Variants in CDH12 observed in about 807,000 individuals in gnomAD.
CDH12 encodes cadherin 12, also known as cadherin-12.
Under a neutral mutation model 74.1 loss-of-function variants are expected in CDH12, and 41 were observed. The ratio of observed to expected loss-of-function variants is 0.55; its 90% CI spans 0.43 to 0.72. CDH12 has a LOEUF of 0.72. CDH12 is among the 30% of genes least tolerant of loss of function. CDH12 has a pLI of 0.00. For synonymous variants in CDH12, 399 were observed against 355.0 expected (o/e 1.12, Z -1.39); for missense variants, 945 against 977.2 (o/e 0.97, Z 0.44).
At chr5:22,305,582 C>G (rs999602874) in intron 3 of CDH12, among the ~76,000 whole-genome samples, 1 of 152,098 alleles carries the variant, frequency 6.6e-6, no homozygotes, top group African/African-American at 2.4e-5. Context: ...GCCATTGTAT[C>G]TCCTCTATGA....
intron 3 of CDH12, among the ~76,000 whole-genome samples, chr5:22,360,158 G>A (rs1740737546): frequency 6.6e-6 from 1 of 151,944 alleles, no homozygotes; most frequent in African/African-American, 2.4e-5. Context: ...TTTTTGAAAG[G>A]ATCAACAAAA....
rs79231610 is a variant in CDH12 at position 21,925,442 on chromosome 5, G to T, written c.526+49649C>A. On this transcript the variant is annotated intron_variant, in intron 6 of 14. Coordinates refer to ENST00000382254, the MANE Select transcript of CDH12 (RefSeq NM_004061.5). ...ACTTGTGTCTATCCTATTGACTCTT[G>T]TATTCAGGCTCTGAATACCTTTTCA... is the stretch of plus-strand genomic sequence containing the variant. Among the ~76,000 whole-genome samples the T allele has an allele frequency of 3.4e-3, 512 of 152,166 alleles. 12 individuals are homozygous for T. In the East Asian group the frequency reaches 0.047, roughly 14 times the overall value.
In CDH12 at chr5:21,751,785, T is replaced by C; in HGVS notation, c.2337A>G (p.Ala779=). ...TDWGPRFKVL[A]DMFGEEESYN... ...AACTCTCTTCTTCGCCAAACATGTC[T>C]GCCAAGACTTTAAAGCGGGGTCCCC... The change falls in exon 15 of 15, where the codon GCA becomes GCG. Residue 779 remains alanine, a synonymous_variant. Coordinates refer to ENST00000382254, the MANE Select transcript of CDH12 (RefSeq NM_004061.5). 6.2e-7 allele frequency: 1 copy of C among 1,614,114 alleles called. No individual in the cohort carries two copies. The highest frequency in any genetic ancestry group is 8.5e-7 in the Non-Finnish European group (1 of 1,179,992).
At chr5:22,492,900 G>A (rs965919261) in intron 2 of CDH12, among the ~76,000 whole-genome samples, 6 of 151,878 alleles carry the variant, frequency 4.0e-5, no homozygotes, top group East Asian at 2.0e-4. Context: ...ACCACCGATC[G>A]CACACAGAAG....
At chr5:22,470,450 T>A (rs986836157) in intron 2 of CDH12, among the ~76,000 whole-genome samples, 1 of 148,984 alleles carries the variant, frequency 6.7e-6, no homozygotes, top group African/African-American at 2.5e-5. Context: ...AGGGTCTCAC[T>A]GTTTGTTGCT....
chr5:21,975,010 A>T, intron 6 of CDH12, 81 bp downstream of exon 6: 1 of 812,446 alleles, frequency 1.2e-6, no homozygotes, highest in South Asian at 1.7e-5. Flanking sequence ...GATGATAGAT[A>T]AGATGTTTAC....
intron 10 of CDH12, among the ~76,000 whole-genome samples, chr5:21,787,524 G>T (rs531923332): frequency 8.5e-5 from 13 of 152,138 alleles, no homozygotes; most frequent in Non-Finnish European, 1.6e-4. Context: ...ATGTTTATAT[G>T]TACTGGCAAA....
intron 1 of CDH12, among the ~76,000 whole-genome samples, chr5:22,635,725 C>T (rs527284346): frequency 1.3e-5 from 2 of 152,056 alleles, no homozygotes; most frequent in Admixed American, 1.3e-4. Context: ...ACCGGCCTGA[C>T]CAACATGGTG....
At chr5:21,837,636 A>G (rs1749614485) in intron 8 of CDH12, among the ~76,000 whole-genome samples, 1 of 152,210 alleles carries the variant, frequency 6.6e-6, no homozygotes, top group South Asian at 2.1e-4. Context: ...TAATTGTGCC[A>G]CATGAGAAAT....
At chr5:22,734,337 C>A (rs573480827) in intron 1 of CDH12, among the ~76,000 whole-genome samples, 4 of 151,738 alleles carry the variant, frequency 2.6e-5, no homozygotes, top group African/African-American at 9.7e-5. Flanking sequence ...ATTTTTAGAG[C>A]AACAACATAA....
rs1744047804 is a variant in CDH12, at chr5:21,751,511, T to C, written c.*226A>G. The C allele has an allele frequency of 1.9e-6, 1 of 522,404 alleles. No individual in the cohort carries two copies. The highest frequency in any genetic ancestry group is 3.4e-6 in the Non-Finnish European group (1 of 292,750). The allele number at this position is 522,404 out of a possible 1,614,324, so 32.4% of individuals were successfully genotyped here. On this transcript the variant is annotated 3_prime_UTR_variant, in exon 15 of 15. Transcript: ENST00000382254. ...AACAAAACAAAGCAAGTACACATTATAGGATGTATCTCTTGTTGGCAGAAT... is the reference window on the plus strand; with the variant it reads ...AACAAAACAAAGCAAGTACACATTACAGGATGTATCTCTTGTTGGCAGAAT...
chr5:22,476,316 G>T (rs905961836), intron 2 of CDH12, among the ~76,000 whole-genome samples: 2 of 151,890 alleles, frequency 1.3e-5, no homozygotes, highest in Admixed American at 6.6e-5. Context: ...ATAAGTTAAG[G>T]AATTAAACCA....
intron 1 of CDH12, among the ~76,000 whole-genome samples, chr5:22,753,619 T>C (rs1745721262): frequency 6.7e-6 from 1 of 149,786 alleles, no homozygotes; most frequent in African/African-American, 2.5e-5. Flanking sequence ...GGAAGAAGTA[T>C]GGAAAGAATT....
rs190193319 is a variant in CDH12, at chr5:22,229,706, A to C, written c.-332-17063T>G. Among the ~76,000 whole-genome samples the C allele has an allele frequency of 4.1e-4, 62 of 152,218 alleles. 1 individual carries two copies. Among genetic ancestry groups the C allele is most frequent in the Admixed American group, 7.2e-4 (11 of 15,276 alleles). ...TTCTTTAGGAACTTTGATTTACCTCAAATTTCATGCCCACATCTCAAATGC... is the reference window on the plus strand; with the variant it reads ...TTCTTTAGGAACTTTGATTTACCTCCAATTTCATGCCCACATCTCAAATGC... On this transcript the variant is annotated intron_variant, in intron 3 of 14. Transcript: ENST00000382254.
At chr5:22,310,006 G>T (rs1358642414) in intron 3 of CDH12, among the ~76,000 whole-genome samples, 5 of 145,562 alleles carry the variant, frequency 3.4e-5, no homozygotes, top group African/African-American at 1.3e-4. Flanking sequence ...GTTGGGGGGT[G>T]GGGGGCTGCG....
intron 1 of CDH12, among the ~76,000 whole-genome samples, chr5:22,792,630 G>T (rs1007144343): frequency 6.6e-6 from 1 of 152,166 alleles, no homozygotes; most frequent in Non-Finnish European, 1.5e-5. Context: ...TACAAAGCCA[G>T]ATAAAATCTG....
intron 1 of CDH12, among the ~76,000 whole-genome samples, chr5:22,538,154 C>T (rs77175370): frequency 6.6e-6 from 1 of 152,058 alleles, no homozygotes; most frequent in Non-Finnish European, 1.5e-5. Flanking sequence ...CATTCCATAC[C>T]ATTTGTATCT....
chr5:22,720,112 A>G (rs952187250), intron 1 of CDH12, among the ~76,000 whole-genome samples: 2 of 152,118 alleles, frequency 1.3e-5, no homozygotes, highest in Non-Finnish European at 2.9e-5. Flanking sequence ...GTTTGGCTAC[A>G]TGTCCCCACT....
chr5:22,067,686 C>T (rs115965528), intron 5 of CDH12, among the ~76,000 whole-genome samples: 2,275 of 152,142 alleles, frequency 0.015, 33 homozygotes, highest in Non-Finnish European at 0.025. Context: ...CAGCACAGGC[C>T]CTTAGGATTT....
Sources: allele counts gnomAD v4.1 joint callset (sites outside exome capture counted in the v4.1 genomes callset), GRCh38; gene constraint gnomAD v4.1.1; transcripts MANE v1.5; gene names NCBI Gene and HGNC (gene_info 2026-07-23, HGNC 2026-07-21).